Variants in KCNK10 observed in about 807,000 individuals in gnomAD.
KCNK10 encodes potassium two pore domain channel subfamily K member 10.
Under a neutral mutation model 47.7 loss-of-function variants are expected in KCNK10, and 25 were observed. The ratio of observed to expected loss-of-function variants is 0.52; its 90% confidence interval spans 0.38 to 0.73. KCNK10 has a LOEUF of 0.73. Ranked by LOEUF, KCNK10 falls within the 30% of genes least tolerant of loss-of-function variation. KCNK10 has a pLI of 0.00. For synonymous variants in KCNK10, 303 were observed against 285.6 expected (o/e 1.06, Z -0.61); for missense variants, 563 against 714.5 (o/e 0.79, Z 2.42).
chr14:88,322,746 C>T lies in KCNK10; in HGVS notation c.52+1G>A. 6.2e-7 allele frequency: 1 copy of T among 1,614,142 alleles called. No homozygotes were observed. Reference sequence around the variant, plus strand: ...GGCAGCCAAAAGTAGGAAACACCCACCTTTAGGATCCCAGTTCACCTGTTT... The same window carrying T: ...GGCAGCCAAAAGTAGGAAACACCCATCTTTAGGATCCCAGTTCACCTGTTT... On this transcript the variant is annotated splice_donor_variant, in intron 1 of 6. Coordinates refer to ENST00000319231, the MANE Select transcript of KCNK10 (RefSeq NM_138317.3). LOFTEE classifies it high-confidence loss of function. The surrounding 1 kb of genome is among the most constrained non-coding windows in gnomAD (Gnocchi z 4.8).
intron 4 of KCNK10, among the ~76,000 whole-genome samples, chr14:88,203,058 T>C (rs1329145060): frequency 6.6e-6 from 1 of 152,152 alleles, no homozygotes; most frequent in Non-Finnish European, 1.5e-5. Flanking sequence ...GGAGCAGACA[T>C]ATCTTGGATG....
chr14:88,270,333 C>A (rs1887373277), intron 1 of KCNK10, among the ~76,000 whole-genome samples: 1 of 152,174 alleles, frequency 6.6e-6, no homozygotes, highest in East Asian at 1.9e-4. Flanking sequence ...CCCAGCAGCT[C>A]TTAGAGCAGT....
chr14:88,233,327 G>A (rs1886207174), intron 3 of KCNK10, among the ~76,000 whole-genome samples: 1 of 152,160 alleles, frequency 6.6e-6, no homozygotes, highest in Non-Finnish European at 1.5e-5. Context: ...AAAAATGACT[G>A]GCAGTGCCTT....
chr14:88,308,021 T>A (rs1430700703), intron 1 of KCNK10, among the ~76,000 whole-genome samples: 1 of 152,176 alleles, frequency 6.6e-6, no homozygotes, highest in Non-Finnish European at 1.5e-5. Context: ...GGTAAGTTAG[T>A]GCCTAAGTTC....
At chr14:88,290,027 A>C (rs1887843376) in intron 1 of KCNK10, among the ~76,000 whole-genome samples, 1 of 152,260 alleles carries the variant, frequency 6.6e-6, no homozygotes, top group Admixed American at 6.5e-5. Context: ...TGGTAGGATC[A>C]GCAGGATAAT....
In KCNK10 at chr14:88,315,709, C is replaced by T. The variant is rs553945707; in HGVS notation, c.52+7038G>A. 1.6e-4 allele frequency among the ~76,000 whole-genome samples: 24 copies of T among 152,180 alleles called. No homozygotes were observed. The South Asian group carries it at 4.8e-3, about 30-fold the overall frequency. On this transcript the variant is annotated intron_variant, in intron 1 of 6. Coordinates refer to ENST00000319231, the MANE Select transcript of KCNK10 (RefSeq NM_138317.3). ...GCGTCTGCAAAGGTTACCGTGACTTCCAGGCTCTCCATCACCCGACCAAAT... is the reference window on the plus strand; with the variant it reads ...GCGTCTGCAAAGGTTACCGTGACTTTCAGGCTCTCCATCACCCGACCAAAT...
At chr14:88,319,545 CAT>C (rs1377199342) in intron 1 of KCNK10, among the ~76,000 whole-genome samples, 2 of 152,140 alleles carry the variant, frequency 1.3e-5, no homozygotes, top group African/African-American at 4.8e-5. Flanking sequence ...GCCCATCAGA[CAT>C]GGAAATGAAA....
chr14:88,239,596 C>A (rs560463761), intron 3 of KCNK10, among the ~76,000 whole-genome samples: 2 of 152,130 alleles, frequency 1.3e-5, no homozygotes, highest in African/African-American at 4.8e-5. Context: ...CGGTGGCTCA[C>A]GCCGGTAATC....
chr14:88,298,923 G>T (rs922741889), intron 1 of KCNK10, among the ~76,000 whole-genome samples: 2 of 152,040 alleles, frequency 1.3e-5, no homozygotes, highest in Non-Finnish European at 1.5e-5. Context: ...CCTCTCTGTT[G>T]TCATGATGAT....
intron 5 of KCNK10, 121 bp from the exon 6 acceptor site, chr14:88,188,230 T>G: frequency 8.0e-7 from 1 of 1,255,770 alleles, no homozygotes; most frequent in South Asian, 1.3e-5. Flanking sequence ...GCTGTTAGGT[T>G]TGCTGTGTAC....
intron 1 of KCNK10, among the ~76,000 whole-genome samples, chr14:88,275,535 G>A (rs1014432498): frequency 1.3e-5 from 2 of 151,978 alleles, no homozygotes; most frequent in East Asian, 1.9e-4. Context: ...CAGACAAACC[G>A]TGAAGGAGTG....
At chr14:88,290,201 C>T (rs957589727) in intron 1 of KCNK10, among the ~76,000 whole-genome samples, 3 of 151,848 alleles carry the variant, frequency 2.0e-5, no homozygotes, top group African/African-American at 4.8e-5. Flanking sequence ...CAAGGGGGAG[C>T]GGGAGGGCCA....
In KCNK10 at chr14:88,183,648, T is replaced by C. The variant is rs1331638957; in HGVS notation, c.*1887A>G. On this transcript the variant is annotated 3_prime_UTR_variant, in exon 7 of 7. Coordinates refer to ENST00000319231, the MANE Select transcript of KCNK10 (RefSeq NM_138317.3). Reference sequence around the variant, plus strand: ...CTCCAGTCCAATGGAGGAGTTGACTTAGACCTTCCTTGGACAGGAAGGGTC... The same window carrying C: ...CTCCAGTCCAATGGAGGAGTTGACTCAGACCTTCCTTGGACAGGAAGGGTC... The C allele has an allele frequency of 1.3e-5, 2 of 152,378 alleles. No individual in the cohort carries two copies. Among genetic ancestry groups the C allele is most frequent in the African/African-American group, 4.8e-5 (2 of 41,456 alleles). The allele number at this position is 152,378 out of a possible 1,614,324, so 9.4% of individuals were successfully genotyped here.
chr14:88,285,186 A>G (rs1240889400), intron 1 of KCNK10, among the ~76,000 whole-genome samples: 1 of 152,156 alleles, frequency 6.6e-6, no homozygotes, highest in Non-Finnish European at 1.5e-5. Flanking sequence ...ATCTTAGTTC[A>G]CTGCAACCTC....
At chr14:88,326,539 C>G, upstream of KCNK10, 2 of 1,110,812 alleles carry the variant, frequency 1.8e-6, no homozygotes, top group East Asian at 4.8e-5. Flanking sequence ...CGGGTTAAGT[C>G]TGGTGGAAAG....
chr14:88,261,063 C>T (rs550438824), intron 2 of KCNK10, among the ~76,000 whole-genome samples: 1 of 152,214 alleles, frequency 6.6e-6, no homozygotes, highest in East Asian at 1.9e-4. Flanking sequence ...TAGCTTGTGA[C>T]ATCACCAGTG....
chr14:88,307,654 G>A (rs115298468), intron 1 of KCNK10, among the ~76,000 whole-genome samples: 178 of 152,242 alleles, frequency 1.2e-3, no homozygotes, highest in African/African-American at 4.1e-3. Flanking sequence ...AAATAGATAT[G>A]GAGTCCTTGT....
chr14:88,192,132 C>T lies in KCNK10; in HGVS notation c.868+92G>A, dbSNP rs531073883. 60 of 1,241,900 alleles carry T rather than the reference C, an allele frequency of 4.8e-5. 1 individual carries two copies. The African/African-American group carries it at 8.0e-4, about 16-fold the overall frequency. 76.9% of individuals were successfully genotyped at this position (1,241,900 alleles called of 1,614,324 possible). On this transcript the variant is annotated intron_variant, in intron 5 of 6. Coordinates refer to ENST00000319231, the MANE Select transcript of KCNK10 (RefSeq NM_138317.3). The stretch of plus-strand genomic sequence containing the variant: ...CACTGAGTCATCTTCATTTGCTTCT[C>T]CCGCAACATCTTTTATCGATTGCGA...
rs1884567980 is a variant in KCNK10, at chr14:88,186,546, C to T, written c.1012-391G>A. Among the ~76,000 whole-genome samples the T allele has an allele frequency of 6.6e-6, 1 of 152,170 alleles. No individual in the cohort carries two copies. The highest frequency in any genetic ancestry group is 1.5e-5 in the Non-Finnish European group (1 of 68,034). On this transcript the variant is annotated intron_variant, in intron 6 of 6. Transcript: ENST00000319231. This position sits in a 1 kb window ranked among gnomAD's most constrained non-coding sequence, Gnocchi z 5.5. ...CATACACTTGAGTGACCATATATAG[C>T]TCACCTGAGACAAGGAAATGCACCT... is the stretch of plus-strand genomic sequence containing the variant.
Sources: allele counts gnomAD v4.1 joint callset (sites outside exome capture counted in the v4.1 genomes callset), GRCh38; gene constraint gnomAD v4.1.1; non-coding constraint Gnocchi (gnomAD v3.1); transcripts MANE v1.5; gene names NCBI Gene and HGNC (gene_info 2026-07-23, HGNC 2026-07-21).